Variants in ZNF800 observed in about 807,000 individuals in gnomAD.
ZNF800 encodes zinc finger protein 800.
ZNF800 carries 13 observed loss-of-function variants against 59.5 expected under a neutral mutation model. The observed-to-expected ratio is 0.22, with a 90% CI of 0.14 to 0.35. The LOEUF (loss-of-function observed/expected upper bound fraction) is 0.35, where lower values mean the gene tolerates loss of function less well. Ranked by LOEUF, ZNF800 falls within the 10% of genes least tolerant of loss-of-function variation. The probability of loss-of-function intolerance (pLI) is 1.00; values close to 1 mark genes in which losing one functional copy is unlikely to be tolerated. For missense variants in ZNF800, 621 were observed against 783.7 expected, an observed-to-expected ratio of 0.79 and a Z score of 2.48; for synonymous variants, 266 against 265.7, an observed-to-expected ratio of 1.00 and a Z score of -0.01.
At chr7:127,344,189 T>C (rs998057502), downstream of ZNF800, among the ~76,000 whole-genome samples, 1 of 152,006 alleles carries the variant, frequency 6.6e-6, no homozygotes, top group South Asian at 2.1e-4. Flanking sequence ...GGAGTATTAA[T>C]GAAAGAGTTC....
chr7:127,349,037 T>C (rs1800123616), intron 1 of ZNF800, among the ~76,000 whole-genome samples: 2 of 152,154 alleles, frequency 1.3e-5, no homozygotes, highest in African/African-American at 4.8e-5. Flanking sequence ...TTATATCTTA[T>C]TTAACTCTAG....
rs540988739 is a variant in ZNF800, at chr7:127,356,562, G to C, written n.225-8519C>G. ...GGTGTGAATGAGAATATAGAGGCTT[G>C]CCAGGAAAAAAAAAATGATGTTTAA... On this transcript the variant is annotated intron_variant and non_coding_transcript_variant, in intron 1 of 1. Transcript: ENST00000485577. Among the ~76,000 whole-genome samples the C allele has an allele frequency of 4.0e-5, 6 of 151,308 alleles. No individual in the cohort carries two copies. In the South Asian group the frequency reaches 8.3e-4, roughly 21 times the overall value.
intron 3 of ZNF800, 106 bp downstream of exon 3, chr7:127,385,954 G>A: frequency 1.5e-6 from 1 of 685,442 alleles, no homozygotes; most frequent in South Asian, 2.0e-5. Context: ...TATAAAGAAA[G>A]CCAACATATA....
At chr7:127,389,747 GAA>G (rs1480094948) in intron 2 of ZNF800, among the ~76,000 whole-genome samples, 2 of 152,082 alleles carry the variant, frequency 1.3e-5, no homozygotes, top group Admixed American at 1.3e-4. Context: ...AACCTGCATG[GAA>G]AAAGTTTCTA....
chr7:127,343,361 G>A (rs1562891683), downstream of ZNF800, among the ~76,000 whole-genome samples: 1 of 151,604 alleles, frequency 6.6e-6, no homozygotes. Flanking sequence ...AAATGAGAAA[G>A]AAGCAATAAC....
chr7:127,365,751 C>T (rs943618699), downstream of ZNF800, among the ~76,000 whole-genome samples: 1 of 152,146 alleles, frequency 6.6e-6, no homozygotes, highest in African/African-American at 2.4e-5. Context: ...ACTTAATAAA[C>T]TTCTGTGTAT....
At chr7:127,388,053 T>C (rs17870080) in intron 2 of ZNF800, among the ~76,000 whole-genome samples, 16 of 152,190 alleles carry the variant, frequency 1.1e-4, no homozygotes, top group African/African-American at 3.9e-4. Context: ...TGCCATTTAC[T>C]AGATACAATT....
At chr7:127,379,239 T>C (rs1393913403) in intron 3 of ZNF800, among the ~76,000 whole-genome samples, 1 of 152,210 alleles carries the variant, frequency 6.6e-6, no homozygotes, top group African/African-American at 2.4e-5. Context: ...CACAGTTAAC[T>C]TCATAAGTGA....
chr7:127,373,382 T>C lies in ZNF800; in HGVS notation c.1954A>G (p.Lys652Glu), dbSNP rs1800687187. 6.2e-7 allele frequency: 1 copy of C among 1,609,800 alleles called. No homozygotes were observed. The highest frequency in any genetic ancestry group is 1.3e-5 in the African/African-American group (1 of 74,548). The change falls in exon 5 of 6, where the codon AAA becomes GAA. Residue 652 changes from lysine (K) to glutamate (E), a missense_variant. By Grantham distance (56) the Lys-to-Glu change is moderately conservative (BLOSUM62 1). This residue lies in a region of ZNF800 where 94 missense variants were observed against 108.5 expected (regional missense o/e 0.87). Coordinates refer to ENST00000265827, the MANE Select transcript of ZNF800 (RefSeq NM_176814.5). ...ANASNSPEGN[K>E]TKGRSTRSKA... ...GATCTTGTACTTCGGCCTTTGGTTT[T>C]GTTTCCTTCAGGTGAATTGGAAGCA...
chr7:127,385,927 G>T (rs1014998485), intron 3 of ZNF800, 133 bp downstream of exon 3: 2 of 578,374 alleles, frequency 3.5e-6, no homozygotes, highest in Admixed American at 7.0e-5. Flanking sequence ...TTTAAAATAT[G>T]AAAATTTTAA....
chr7:127,382,404 T>C (rs1801002759), intron 3 of ZNF800, among the ~76,000 whole-genome samples: 1 of 152,230 alleles, frequency 6.6e-6, no homozygotes, highest in African/African-American at 2.4e-5. Flanking sequence ...ATCTGCTATT[T>C]AAAATTTTGT....
chr7:127,343,115 G>A (rs1433744765), downstream of ZNF800, among the ~76,000 whole-genome samples: 2 of 151,998 alleles, frequency 1.3e-5, no homozygotes, highest in African/African-American at 2.4e-5. Context: ...ATAGTCTTAC[G>A]TGTCCTATTA....
downstream of ZNF800, among the ~76,000 whole-genome samples, chr7:127,345,129 C>A (rs1033243856): frequency 6.6e-6 from 1 of 152,086 alleles, no homozygotes; most frequent in Admixed American, 6.5e-5. Flanking sequence ...GAAAAGTGAA[C>A]CCTCAACAGA....
chr7:127,381,929 G>GA (rs201771166), intron 3 of ZNF800, among the ~76,000 whole-genome samples: 19 of 143,520 alleles, frequency 1.3e-4, no homozygotes, highest in South Asian at 2.2e-4. Context: ...GTTTTAAGGA[G>GA]AAAAAAAAAA....
chr7:127,343,982 A>G (rs941212814), downstream of ZNF800, among the ~76,000 whole-genome samples: 5 of 152,034 alleles, frequency 3.3e-5, no homozygotes, highest in Non-Finnish European at 7.4e-5. Context: ...AACATGATAA[A>G]GACCTGTATT....
chr7:127,364,428 T>C (rs1248228281), intron 1 of ZNF800: 2 of 152,146 alleles, frequency 1.3e-5, no homozygotes, highest in Admixed American at 6.6e-5. Context: ...GAGACAGATT[T>C]CTCAGAAGCT....
rs1800617838 is a variant in ZNF800, at chr7:127,370,917, T to C, written c.*897A>G. Reference sequence around the variant, plus strand: ...AGGGCTTACACCCGCATCTTCCTTTTGTAGCAATATTTAAGGAAATAAACT... The same window carrying C: ...AGGGCTTACACCCGCATCTTCCTTTCGTAGCAATATTTAAGGAAATAAACT... On this transcript the variant is annotated 3_prime_UTR_variant, in exon 6 of 6. Transcript: ENST00000265827. 6.6e-6 allele frequency: 1 copy of C among 152,568 alleles called. No individual in the cohort carries two copies. Among genetic ancestry groups the C allele is most frequent in the African/African-American group, 2.4e-5 (1 of 41,468 alleles). 9.5% of individuals were successfully genotyped at this position (152,568 alleles called of 1,614,324 possible).
chr7:127,359,526 TGTCA>T (rs1800350353), intron 1 of ZNF800, among the ~76,000 whole-genome samples: 1 of 152,112 alleles, frequency 6.6e-6, no homozygotes, highest in Non-Finnish European at 1.5e-5. Context: ...AAAACAAAAT[TGTCA>T]GTCAATGCCT....
At chr7:127,371,866 A>C (rs570784022) in intron 5 of ZNF800, 52 bp from the exon 6 acceptor site, 1 of 728,306 alleles carries the variant, frequency 1.4e-6, no homozygotes, top group African/African-American at 1.8e-5. Flanking sequence ...AATAAAACCT[A>C]GTTTTTAAAA....
Sources: gnomAD v4.1 joint callset for allele counts (sites outside exome capture counted in the v4.1 genomes callset) on GRCh38, gnomAD v4.1.1 for gene constraint, gnomAD v4.1.1 regional missense constraint, MANE v1.5 for transcripts, NCBI Gene and HGNC (gene_info 2026-07-23, HGNC 2026-07-21) for gene names.